Variants in NCKAP1 observed in about 807,000 individuals in gnomAD.
The protein encoded by NCKAP1 is nck-associated protein 1.
In NCKAP1, 21 loss-of-function variants were observed where a neutral mutation model predicts 151.2. The ratio of observed to expected loss-of-function variants is 0.14; its 90% CI spans 0.10 to 0.20. The LOEUF is 0.20. Among genes scored for constraint, NCKAP1 ranks in the 10% least tolerant of loss-of-function variants. NCKAP1 has a pLI of 1.00. For missense variants in NCKAP1, 933 were observed against 1,352.1 expected, an observed-to-expected ratio of 0.69 and a Z score of 4.86; for synonymous variants, 484 against 451.8, an observed-to-expected ratio of 1.07 and a Z score of -0.90.
At chr2:182,954,175 T>C (rs1021765594) in intron 20 of NCKAP1, among the ~76,000 whole-genome samples, 1 of 152,120 alleles carries the variant, frequency 6.6e-6, no homozygotes, top group African/African-American at 2.4e-5. Context: ...CTGCCTGACT[T>C]AGTGCTGCCT....
intron 2 of NCKAP1, among the ~76,000 whole-genome samples, chr2:183,019,620 T>G (rs1264297924): frequency 6.6e-6 from 1 of 152,216 alleles, no homozygotes; most frequent in East Asian, 1.9e-4. Context: ...TTAGATAATC[T>G]TTCAGCTCAA....
intron 6 of NCKAP1, among the ~76,000 whole-genome samples, chr2:183,001,304 T>C (rs1698369261): frequency 6.6e-6 from 1 of 152,188 alleles, no homozygotes; most frequent in African/African-American, 2.4e-5. Context: ...ATGAATTTCC[T>C]TGAAGTGTTC....
intron 23 of NCKAP1, among the ~76,000 whole-genome samples, chr2:182,942,866 T>C (rs1697026038): frequency 1.3e-5 from 2 of 152,132 alleles, no homozygotes; most frequent in African/African-American, 2.4e-5. Flanking sequence ...ATGTAATTAA[T>C]TTCATTCTGT....
chr2:182,967,456 TAAAC>T, intron 15 of NCKAP1, 95 bp from the exon 16 acceptor site: 1 of 1,126,350 alleles, frequency 8.9e-7, no homozygotes, highest in Non-Finnish European at 1.3e-6. Context: ...GAAAGATACT[TAAAC>T]TATCTACTGT....
chr2:183,007,801 G>T lies in NCKAP1; in HGVS notation c.220-4476C>A, dbSNP rs190224966. 2.6e-5 allele frequency among the ~76,000 whole-genome samples: 4 copies of T among 152,272 alleles called. No individual in the cohort carries two copies. In the East Asian group the frequency reaches 7.7e-4, roughly 29 times the overall value. On this transcript the variant is annotated intron_variant, in intron 2 of 30. Coordinates refer to ENST00000361354, the MANE Select transcript of NCKAP1 (RefSeq NM_013436.5). ...GTAAATCTCTGCCTAAACTGTCCCA[G>T]CTACCACCCTAGTCATCAACTCTCA...
intron 2 of NCKAP1, among the ~76,000 whole-genome samples, chr2:183,009,006 C>G (rs1197951707): frequency 1.3e-5 from 2 of 152,058 alleles, no homozygotes; most frequent in Non-Finnish European, 2.9e-5. Context: ...TTTTCATATA[C>G]AAAGTGATTA....
chr2:182,972,915 G>T (rs527237254), intron 15 of NCKAP1, among the ~76,000 whole-genome samples: 15 of 152,272 alleles, frequency 9.9e-5, no homozygotes, highest in African/African-American at 3.6e-4. Context: ...TAGGAAGTGG[G>T]AATAAAGAAG....
intron 21 of NCKAP1, 66 bp from the exon 22 acceptor site, chr2:182,952,989 T>C (rs1697245176): frequency 6.6e-7 from 1 of 1,518,556 alleles, no homozygotes; most frequent in Non-Finnish European, 8.9e-7. Flanking sequence ...ATGATATACA[T>C]TCCTGCATAT....
chr2:182,988,872 G>A (rs1012033258), intron 9 of NCKAP1, among the ~76,000 whole-genome samples, 158 bp downstream of exon 9: 1 of 151,820 alleles, frequency 6.6e-6, no homozygotes, highest in Admixed American at 6.6e-5. Flanking sequence ...TTAACTATCA[G>A]GATGACTGTT....
Position 182,911,730 on chromosome 2 carries a change from A to T in NCKAP1, c.*13972T>A, listed in dbSNP as rs938609602. On this transcript the variant is annotated 3_prime_UTR_variant, in exon 31 of 31. Transcript: ENST00000361354. ...ACAATGAGAAAACAGATTGCTGTTG[A>T]TGGGAATTATTAAAAAAAAACAAAA... The T allele has an allele frequency of 1.3e-5, 2 of 152,062 alleles. No individual in the cohort carries two copies. Among genetic ancestry groups the T allele is most frequent in the Admixed American group, 1.3e-4 (2 of 15,264 alleles). 9.4% of individuals were successfully genotyped at this position (152,062 alleles called of 1,614,324 possible). A position where few individuals can be genotyped will look rare whatever the true frequency, so the allele number is the denominator to read the frequency against.
At chr2:182,939,089 T>A (rs960340516) in intron 24 of NCKAP1, among the ~76,000 whole-genome samples, 2 of 151,982 alleles carry the variant, frequency 1.3e-5, no homozygotes, top group African/African-American at 4.8e-5. Context: ...AAAGAAAAAA[T>A]TGCTGTAGGA....
intron 16 of NCKAP1, among the ~76,000 whole-genome samples, chr2:182,965,495 C>T (rs1000562864): frequency 2.0e-5 from 3 of 151,820 alleles, no homozygotes; most frequent in African/African-American, 4.8e-5. Flanking sequence ...AGCCTGCCAG[C>T]AGTTTTAATT....
At chr2:182,988,463 A>G (rs929297267) in intron 9 of NCKAP1, among the ~76,000 whole-genome samples, 3 of 152,176 alleles carry the variant, frequency 2.0e-5, no homozygotes, top group Admixed American at 2.0e-4. Flanking sequence ...CAGAATCTCA[A>G]GTGGAGAGAA....
intron 8 of NCKAP1, among the ~76,000 whole-genome samples, chr2:182,991,475 C>T (rs1157839832): frequency 6.6e-6 from 1 of 152,108 alleles, no homozygotes; most frequent in Non-Finnish European, 1.5e-5. Context: ...AGGAGAAACG[C>T]TTGAACTTGG....
chr2:182,920,814 C>T lies in NCKAP1; in HGVS notation c.*4888G>A, dbSNP rs750027137. On this transcript the variant is annotated 3_prime_UTR_variant, in exon 31 of 31. Transcript: ENST00000361354. Reference sequence around the variant, plus strand: ...CATATGAATTTTGTGGCCAGGGGGACACAAACATTCAGACCACAGCACAAA... The same window carrying T: ...CATATGAATTTTGTGGCCAGGGGGATACAAACATTCAGACCACAGCACAAA... The T allele has an allele frequency of 6.6e-5, 10 of 151,856 alleles. No individual in the cohort carries two copies. Among genetic ancestry groups the T allele is most frequent in the Non-Finnish European group, 1.3e-4 (9 of 68,006 alleles). The allele number at this position is 151,856 out of a possible 1,614,324, so 9.4% of individuals were successfully genotyped here. A position where few individuals can be genotyped will look rare whatever the true frequency, so the allele number is the denominator to read the frequency against.
chr2:182,988,356 AT>A (rs1698099149), intron 9 of NCKAP1, among the ~76,000 whole-genome samples: 4 of 152,196 alleles, frequency 2.6e-5, no homozygotes. Context: ...AGCCCAACTT[AT>A]ATATTCAACA....
chr2:182,970,427 T>C (rs1343973098), intron 15 of NCKAP1, among the ~76,000 whole-genome samples: 2 of 151,656 alleles, frequency 1.3e-5, no homozygotes, highest in African/African-American at 4.8e-5. Context: ...GTTAGATAAA[T>C]ACAAGATGGT....
chr2:183,017,688 T>C (rs778384459), intron 2 of NCKAP1, among the ~76,000 whole-genome samples: 10 of 152,028 alleles, frequency 6.6e-5, no homozygotes, highest in East Asian at 5.8e-4. Context: ...GCACAGAATA[T>C]AGGAGATCGT....
At chr2:182,946,306 A>G (rs958306927) in intron 23 of NCKAP1, among the ~76,000 whole-genome samples, 1 of 152,026 alleles carries the variant, frequency 6.6e-6, no homozygotes, top group Non-Finnish European at 1.5e-5. Flanking sequence ...AGGCTGAGCC[A>G]GGAGAATGGC....
Sources: gnomAD v4.1 joint callset for allele counts (sites outside exome capture counted in the v4.1 genomes callset) on GRCh38, gnomAD v4.1.1 for gene constraint, MANE v1.5 for transcripts, NCBI Gene and HGNC (gene_info 2026-07-23, HGNC 2026-07-21) for gene names.